Variants in FKBP3 observed in about 807,000 individuals in gnomAD.
FKBP3 encodes peptidyl-prolyl cis-trans isomerase FKBP3.
In FKBP3, 21 loss-of-function variants were observed where a neutral mutation model predicts 30.6. The ratio of observed to expected loss-of-function variants is 0.69; its 90% CI spans 0.49 to 0.99. FKBP3 has a LOEUF of 0.99. Among genes scored for constraint, FKBP3 ranks in the 50% least tolerant of loss-of-function variants. FKBP3 has a pLI of 0.00. For missense variants in FKBP3, 283 were observed against 261.6 expected (o/e 1.08, Z -0.56); for synonymous variants, 82 against 91.3 (o/e 0.90, Z 0.58).
chr14:45,128,786 C>T (rs1885154108), intron 3 of FKBP3, among the ~76,000 whole-genome samples: 3 of 152,164 alleles, frequency 2.0e-5, no homozygotes. Flanking sequence ...CTTTTATTTT[C>T]TTAACTCCTT....
In FKBP3 at chr14:45,121,617, G is replaced by A. The variant is rs746023283; in HGVS notation, c.322C>T (p.Pro108Ser). ...TKSEETLDEG[P>S]PKYTKSVLKK... Reference sequence around the variant, plus strand: ...AGAACAGATTTAGTATATTTTGGTGGACCCTAAAAACAAAAAACAACACAC... The same window carrying A: ...AGAACAGATTTAGTATATTTTGGTGAACCCTAAAAACAAAAAACAACACAC... The change falls in exon 4 of 7, where the codon CCA becomes TCA. Residue 108 changes from proline (P) to serine (S), a missense_variant. Coordinates refer to ENST00000396062, the MANE Select transcript of FKBP3 (RefSeq NM_002013.4). 1.9e-6 allele frequency: 3 copies of A among 1,612,356 alleles called. No homozygotes were observed. Among genetic ancestry groups the A allele is most frequent in the Non-Finnish European group, 2.5e-6 (3 of 1,179,334 alleles).
At chr14:45,125,999 A>G (rs1398660396) in intron 3 of FKBP3, among the ~76,000 whole-genome samples, 1 of 151,988 alleles carries the variant, frequency 6.6e-6, no homozygotes, top group African/African-American at 2.4e-5. Flanking sequence ...CCCAGGCTCA[A>G]AGGATCCTCC....
chr14:45,128,422 A>G (rs895068178), intron 3 of FKBP3, among the ~76,000 whole-genome samples: 2 of 152,258 alleles, frequency 1.3e-5, no homozygotes, highest in African/African-American at 4.8e-5. Flanking sequence ...GCAATGAGCA[A>G]TGTGATGGAG....
rs748098949 is a variant in FKBP3, at chr14:45,116,150, A to G, written c.*48T>C. ...TAGTTGTGTAAATTTCTTCAAGGCC[A>G]AGTTTTATCATTGTTGCTAATATCC... On this transcript the variant is annotated 3_prime_UTR_variant, in exon 7 of 7. Transcript: ENST00000396062. 7.2e-7 allele frequency: 1 copy of G among 1,381,388 alleles called. No individual in the cohort carries two copies. The highest frequency in any genetic ancestry group is 1.2e-5 in the South Asian group (1 of 83,956). 85.6% of individuals were successfully genotyped at this position (1,381,388 alleles called of 1,614,324 possible). A position where few individuals can be genotyped will look rare whatever the true frequency, so the allele number is the denominator to read the frequency against.
At chr14:45,119,971 T>C (rs148559310) in intron 5 of FKBP3, among the ~76,000 whole-genome samples, 1,560 of 152,248 alleles carry the variant, frequency 0.01, 34 homozygotes, top group South Asian at 0.096. Context: ...ATTACAGGCA[T>C]GAGCCACCAC....
chr14:45,119,766 C>A (rs1194705575), intron 5 of FKBP3, among the ~76,000 whole-genome samples: 1 of 150,330 alleles, frequency 6.7e-6, no homozygotes, highest in Non-Finnish European at 1.5e-5. Context: ...CAGCTCACTA[C>A]AACCTCCACC....
In FKBP3 at chr14:45,123,179, T is replaced by TA. The variant is rs35440697; in HGVS notation, c.319-1560dup. Among the ~76,000 whole-genome samples, 1,170 of 123,144 alleles carry TA rather than the reference T, an allele frequency of 9.5e-3. 5 individuals carry two copies. The highest frequency in any genetic ancestry group is 0.013 in the Non-Finnish European group (708 of 56,120). The allele number at this position is 123,144 out of a possible 152,430, so 80.8% of individuals were successfully genotyped here. ...CTGGGCGACAGAGCAAGGCTCCATC[T>TA]AAAAAAAAAAAAAAAAAAGTCTGAT... On this transcript the variant is annotated intron_variant, in intron 3 of 6. Transcript: ENST00000396062.
chr14:45,129,872 T>C lies in FKBP3; in HGVS notation c.240A>G (p.Lys80=). Residue 80 remains lysine, a synonymous_variant, in exon 3 of 7, where the codon AAA becomes AAG. Transcript: ENST00000396062. ...TCACATTTTTTACTTGCTCAGACAC[T>C]TTACTTATACTTTCAGTACCCTTAA... is the stretch of plus-strand genomic sequence containing the variant. ...KRFKGTESIS[K]VSEQVKNVKL... is the part of the protein sequence containing the mutation. The C allele has an allele frequency of 1.2e-6, 2 of 1,612,932 alleles. No individual in the cohort carries two copies. Among genetic ancestry groups the C allele is most frequent in the Middle Eastern group, 1.7e-4 (1 of 6,028 alleles).
chr14:45,127,166 T>C lies in FKBP3; in HGVS notation c.318+2628A>G, dbSNP rs144756587. ...TTCACTCTTGTTGCCCAGGCTGGAG[T>C]ACAATGGTGCGATCTCAGCTCACTG... On this transcript the variant is annotated intron_variant, in intron 3 of 6. Coordinates refer to ENST00000396062, the MANE Select transcript of FKBP3 (RefSeq NM_002013.4). Among the ~76,000 whole-genome samples, 547 of 145,168 alleles carry C rather than the reference T, an allele frequency of 3.8e-3. 3 individuals are homozygous for C. The highest frequency in any genetic ancestry group is 0.014 in the African/African-American group (522 of 37,498).
intron 2 of FKBP3, among the ~76,000 whole-genome samples, chr14:45,130,463 TTTG>T (rs1225032095): frequency 6.6e-5 from 10 of 152,230 alleles, no homozygotes; most frequent in Non-Finnish European, 1.5e-4. Flanking sequence ...GACTTAAGAA[TTTG>T]TTGTCTCAAT....
rs1885029694 is a variant in FKBP3 at position 45,123,469 on chromosome 14, C to T, written c.319-1849G>A. Among the ~76,000 whole-genome samples, 2 of 152,098 alleles carry T rather than the reference C, an allele frequency of 1.3e-5. 1 individual carries two copies. Among genetic ancestry groups the T allele is most frequent in the South Asian group, 4.2e-4 (2 of 4,816 alleles). On this transcript the variant is annotated intron_variant, in intron 3 of 6. Coordinates refer to ENST00000396062, the MANE Select transcript of FKBP3 (RefSeq NM_002013.4). ...CTCAAGATGAAGATAGGACCCCTGT[C>T]TCTGTCTCTGTGGGAGCCTGATTTT...
chr14:45,127,817 GAAC>G (rs1885133533), intron 3 of FKBP3, among the ~76,000 whole-genome samples: 1 of 152,206 alleles, frequency 6.6e-6, no homozygotes, highest in South Asian at 2.1e-4. Flanking sequence ...GGCAAGAAAT[GAAC>G]AACGTTTTTA....
chr14:45,121,648 CAG>C (rs2139079231), intron 3 of FKBP3, 28 bp from the exon 4 acceptor site: 5 of 1,601,316 alleles, frequency 3.1e-6, no homozygotes, highest in East Asian at 2.2e-5. Flanking sequence ...CACACACACA[CAG>C]AGTTATTAAT....
chr14:45,118,882 G>A (rs1252517096), intron 5 of FKBP3, among the ~76,000 whole-genome samples: 2 of 152,082 alleles, frequency 1.3e-5, no homozygotes, highest in African/African-American at 4.8e-5. Flanking sequence ...TTGAGATGGA[G>A]TTTCGCTCTT....
At chr14:45,131,876 G>A (rs544263485) in intron 1 of FKBP3, among the ~76,000 whole-genome samples, 12 of 152,244 alleles carry the variant, frequency 7.9e-5, no homozygotes, top group African/African-American at 2.9e-4. Flanking sequence ...AGGTAACAGC[G>A]GAATTGCTTT....
chr14:45,134,459 T>G lies in FKBP3; in HGVS notation c.-3A>C. 1 of 1,592,742 alleles carries G rather than the reference T, an allele frequency of 6.3e-7. No homozygotes were observed. Among genetic ancestry groups the G allele is most frequent in the Non-Finnish European group, 8.6e-7 (1 of 1,168,574 alleles). ...CGCTGTGGAACGGCCGCCGCCATCT[T>G]CCCCCGCTGCCTCCGCTTTACTGAG... On this transcript the variant is annotated 5_prime_UTR_variant, in exon 1 of 7. Coordinates refer to ENST00000396062, the MANE Select transcript of FKBP3 (RefSeq NM_002013.4).
In FKBP3 at chr14:45,116,132, G is replaced by T; in HGVS notation, c.*66C>A. The stretch of plus-strand genomic sequence containing the variant: ...ATAGTAACAAGTTCTAACTAGTTGT[G>T]TAAATTTCTTCAAGGCCAAGTTTTA... On this transcript the variant is annotated 3_prime_UTR_variant, in exon 7 of 7. Transcript: ENST00000396062. 2 of 1,150,462 alleles carry T rather than the reference G, an allele frequency of 1.7e-6. No homozygotes were observed. The highest frequency in any genetic ancestry group is 2.6e-6 in the Non-Finnish European group (2 of 765,670). The allele number at this position is 1,150,462 out of a possible 1,614,324, so 71.3% of individuals were successfully genotyped here. A position where few individuals can be genotyped will look rare whatever the true frequency, so the allele number is the denominator to read the frequency against.
chr14:45,120,309 T>C (rs1884956674), intron 5 of FKBP3, among the ~76,000 whole-genome samples: 1 of 152,204 alleles, frequency 6.6e-6, no homozygotes, highest in Non-Finnish European at 1.5e-5. Flanking sequence ...CAAGCCTAAC[T>C]TCCTCTTTTC....
At position 45,129,876 on chromosome 14, in the gene FKBP3, C is replaced by T; in HGVS notation, c.236G>A (p.Ser79Asn). ...TKRFKGTESISKVSEQVKNVK... is the reference protein window; with the variant it reads ...TKRFKGTESINKVSEQVKNVK... ...ATTTTTTACTTGCTCAGACACTTTACTTATACTTTCAGTACCCTTAAAACG... is the reference window on the plus strand; with the variant it reads ...ATTTTTTACTTGCTCAGACACTTTATTTATACTTTCAGTACCCTTAAAACG... The change falls in exon 3 of 7, where the codon AGT becomes AAT. Residue 79 changes from serine to asparagine, a missense_variant. Transcript: ENST00000396062. The T allele has an allele frequency of 1.2e-6, 2 of 1,612,608 alleles. No individual in the cohort carries two copies. The highest frequency in any genetic ancestry group is 1.7e-6 in the Non-Finnish European group (2 of 1,179,128).
Sources: allele counts gnomAD v4.1 joint callset (sites outside exome capture counted in the v4.1 genomes callset), GRCh38; gene constraint gnomAD v4.1.1; transcripts MANE v1.5; gene names NCBI Gene and HGNC (gene_info 2026-07-23, HGNC 2026-07-21).